The following GPC1 variants were observed in gnomAD, a reference collection of about 807,000 sequenced individuals.
GPC1 encodes the protein glypican-1.
Under a neutral mutation model 51.5 loss-of-function variants are expected in GPC1, and 26 were observed. That is an observed-to-expected ratio of 0.50 (90% CI 0.37 to 0.70). The LOEUF is 0.70. Among genes scored for constraint, GPC1 ranks in the 30% least tolerant of loss-of-function variants. The probability of loss-of-function intolerance (pLI) is 0.00; values close to 1 mark genes in which losing one functional copy is unlikely to be tolerated. For synonymous variants in GPC1, 380 were observed against 348.3 expected (o/e 1.09, Z -1.01); for missense variants, 775 against 800.5 (o/e 0.97, Z 0.38).
chr2:240,443,172 C>A (rs1185903851), intron 1 of GPC1, among the ~76,000 whole-genome samples: 2 of 152,254 alleles, frequency 1.3e-5, no homozygotes, highest in Admixed American at 1.3e-4. Context: ...AGTGGCCAGG[C>A]TGGCCTGAAA....
chr2:240,459,913 G>A (rs2074202683), intron 2 of GPC1, among the ~76,000 whole-genome samples: 1 of 152,138 alleles, frequency 6.6e-6, no homozygotes, highest in Non-Finnish European at 1.5e-5. Flanking sequence ...GGCCCGGGCT[G>A]AGGTACTGCC....
intron 1 of GPC1, among the ~76,000 whole-genome samples, chr2:240,457,035 T>G (rs2074171761): frequency 6.6e-6 from 1 of 151,776 alleles, no homozygotes; most frequent in African/African-American, 2.4e-5. Flanking sequence ...CATCTGGAGG[T>G]AAGGAGGGGC....
At chr2:240,453,422 T>G (rs188596497) in intron 1 of GPC1, among the ~76,000 whole-genome samples, 1 of 16,088 alleles carries the variant, frequency 6.2e-5, no homozygotes, top group Non-Finnish European at 1.2e-4. Flanking sequence ...CCCCGCTCCC[T>G]CCGCCCGCCC....
intron 1 of GPC1, among the ~76,000 whole-genome samples, chr2:240,439,102 A>G (rs1292047973): frequency 2.0e-5 from 3 of 152,118 alleles, no homozygotes; most frequent in Non-Finnish European, 2.9e-5. Context: ...ATGTGATGTG[A>G]TGTGTGTCTG....
rs192176029 is a variant in GPC1, at chr2:240,444,768, C to T, written c.166+8684C>T. ...CCCACTGTGGACCCCGCAGCCCACC[C>T]GTGTCTGGCGCATCCTTGGTGACTG... On this transcript the variant is annotated intron_variant, in intron 1 of 8. Transcript: ENST00000264039. Among the ~76,000 whole-genome samples, 13 of 152,318 alleles carry T rather than the reference C, an allele frequency of 8.5e-5. 1 individual carries two copies. The highest frequency in any genetic ancestry group is 6.2e-4 in the South Asian group (3 of 4,818).
intron 1 of GPC1, among the ~76,000 whole-genome samples, chr2:240,437,801 C>T (rs1024784024): frequency 1.3e-5 from 2 of 152,240 alleles, no homozygotes; most frequent in African/African-American, 4.8e-5. Context: ...TTCTTAGCAC[C>T]TCCATGTCCT....
chr2:240,457,430 G>T (rs1047355771), intron 1 of GPC1: 3 of 470,578 alleles, frequency 6.4e-6, no homozygotes, highest in African/African-American at 6.0e-5. Context: ...GGGTGCGGAA[G>T]ATCAGCAAAC....
chr2:240,440,898 G>A (rs2074013068), intron 1 of GPC1, among the ~76,000 whole-genome samples: 2 of 152,228 alleles, frequency 1.3e-5, no homozygotes, highest in Admixed American at 6.5e-5. Context: ...GCCTGTGGGG[G>A]GCAGGACTGC....
At chr2:240,451,303 C>T (rs947791078) in intron 1 of GPC1, 7 of 469,024 alleles carry the variant, frequency 1.5e-5, no homozygotes, top group Admixed American at 7.1e-5. Context: ...GTGGCTGCTG[C>T]GTCCCCTTCT....
At chr2:240,456,148 G>A (rs535692259) in intron 1 of GPC1, 9 of 264,690 alleles carry the variant, frequency 3.4e-5, no homozygotes, top group South Asian at 1.5e-4. Context: ...AGGGGTCGGC[G>A]GGGGAGGCTG....
At chr2:240,454,980 G>T in intron 1 of GPC1, 1 of 227,088 alleles carries the variant, frequency 4.4e-6, no homozygotes. Context: ...ACTGCGGGGT[G>T]GGGACATGTC....
intron 1 of GPC1, chr2:240,450,647 A>C: frequency 6.4e-6 from 3 of 470,168 alleles, no homozygotes; most frequent in Non-Finnish European, 1.3e-5. Context: ...TGCCCCGTCG[A>C]GCCCCGTGCT....
intron 4 of GPC1, 111 bp from the exon 5 acceptor site, chr2:240,464,505 G>GTGC: frequency 7.1e-7 from 1 of 1,400,372 alleles, no homozygotes; most frequent in Non-Finnish European, 1.0e-6. Flanking sequence ...ATGCTGACCC[G>GTGC]TGCTGTCAAG....
intron 1 of GPC1, chr2:240,450,112 G>A (rs191588737): frequency 2.0e-5 from 7 of 346,314 alleles, no homozygotes; most frequent in Middle Eastern, 5.9e-4. Flanking sequence ...AAATTCAGAT[G>A]TAACTGGCCC....
At chr2:240,453,535 T>C in intron 1 of GPC1, among the ~76,000 whole-genome samples, 1 of 119,852 alleles carries the variant, frequency 8.3e-6, no homozygotes. Context: ...TCGCAGCCCT[T>C]CGAGCCCCCT....
chr2:240,456,488 A>ACAGCTGAGCCCATCT (rs2074165357), intron 1 of GPC1: 3 of 403,246 alleles, frequency 7.4e-6, no homozygotes, highest in African/African-American at 4.1e-5. Context: ...GTGCCCCGTC[A>ACAGCTGAGCCCATCT]CAGCTGAGCC....
intron 1 of GPC1, among the ~76,000 whole-genome samples, chr2:240,441,535 C>T (rs1276172869): frequency 6.6e-6 from 1 of 152,258 alleles, no homozygotes; most frequent in Non-Finnish European, 1.5e-5. Context: ...CTGGCCCTGT[C>T]CAGTGTCGAC....
At chr2:240,454,020 G>A (rs919815624) in intron 1 of GPC1, among the ~76,000 whole-genome samples, 10 of 152,128 alleles carry the variant, frequency 6.6e-5, no homozygotes, top group African/African-American at 2.2e-4. Flanking sequence ...CTGCGGCGGC[G>A]GAGGGGCTCC....
At chr2:240,462,055 T>C in intron 2 of GPC1, 136 bp from the exon 3 acceptor site, 1 of 854,008 alleles carries the variant, frequency 1.2e-6, no homozygotes, top group Non-Finnish European at 1.7e-6. Flanking sequence ...CCACAGCCGC[T>C]GCAGTGTGGC....
Sources: gnomAD v4.1 joint callset for allele counts (sites outside exome capture counted in the v4.1 genomes callset) on GRCh38, gnomAD v4.1.1 for gene constraint, MANE v1.5 for transcripts, NCBI Gene and HGNC (gene_info 2026-07-23, HGNC 2026-07-21) for gene names.